ARHGAP28: variants seen among roughly 807,000 people sequenced by gnomAD.
ARHGAP28 encodes the protein rho GTPase-activating protein 28.
Under a neutral mutation model 90.7 loss-of-function variants are expected in ARHGAP28, and 56 were observed. The observed-to-expected ratio is 0.62, with a 90% CI of 0.50 to 0.77. ARHGAP28 has a LOEUF of 0.77. Among genes scored for constraint, ARHGAP28 ranks in the 30% least tolerant of loss-of-function variants. The probability of loss-of-function intolerance (pLI) is 0.00; values close to 1 mark genes in which losing one functional copy is unlikely to be tolerated. For missense variants in ARHGAP28, 869 were observed against 900.9 expected, an observed-to-expected ratio of 0.96 and a Z score of 0.45; for synonymous variants, 308 against 323.3, an observed-to-expected ratio of 0.95 and a Z score of 0.51.
chr18:6,854,366 T>C (rs1175040476), intron 4 of ARHGAP28, among the ~76,000 whole-genome samples: 1 of 152,246 alleles, frequency 6.6e-6, no homozygotes, highest in Non-Finnish European at 1.5e-5. Context: ...TTTGAACTTA[T>C]TGCTGGAATT....
intron 1 of ARHGAP28, among the ~76,000 whole-genome samples, chr18:6,798,841 G>A (rs148941350): frequency 1.2e-3 from 182 of 152,218 alleles, no homozygotes; most frequent in Admixed American, 1.8e-3. Flanking sequence ...AAAAATAAAA[G>A]CATTTCCATA....
At chr18:6,803,108 G>T (rs1054896032) in intron 1 of ARHGAP28, among the ~76,000 whole-genome samples, 20 of 152,018 alleles carry the variant, frequency 1.3e-4, no homozygotes, top group Non-Finnish European at 2.9e-5. Context: ...GCATTGGTTA[G>T]AACTTTTAGT....
chr18:6,789,809 T>A (rs1380938705), intron 1 of ARHGAP28: 4 of 150,746 alleles, frequency 2.7e-5, no homozygotes, highest in Non-Finnish European at 5.9e-5. Flanking sequence ...AATATCAAAT[T>A]GTTTCTTTTG....
At chr18:6,839,841 C>G (rs570438542) in intron 3 of ARHGAP28, among the ~76,000 whole-genome samples, 1 of 152,312 alleles carries the variant, frequency 6.6e-6, no homozygotes, top group South Asian at 2.1e-4. Context: ...CATTCCTGTT[C>G]ATTTGACTTA....
Position 6,824,730 on chromosome 18 carries a change from GT to G in ARHGAP28, c.123-27del. The G allele has an allele frequency of 2.0e-6, 3 of 1,490,520 alleles. No individual in the cohort carries two copies. In the South Asian group the frequency reaches 3.8e-5, roughly 19 times the overall value. 92.3% of individuals were successfully genotyped at this position (1,490,520 alleles called of 1,614,324 possible). On this transcript the variant is annotated intron_variant, in intron 1 of 17. Transcript: ENST00000383472. ...GCTTTATAACATAAAAATATAACCC[GT>G]TTTTATTCATAGATATTATTCTTTC...
At chr18:6,823,751 T>A (rs1468960204) in intron 1 of ARHGAP28, among the ~76,000 whole-genome samples, 1 of 152,138 alleles carries the variant, frequency 6.6e-6, no homozygotes, top group East Asian at 1.9e-4. Context: ...ATTATTTTCC[T>A]TCTTTTATTT....
At chr18:6,739,645 T>TTCTCTCTCTC (rs138884918) in intron 1 of ARHGAP28, among the ~76,000 whole-genome samples, 3,089 of 144,996 alleles carry the variant, frequency 0.021, 111 homozygotes, top group African/African-American at 0.074. Flanking sequence ...TGACTAAGCT[T>TTCTCTCTCTC]TCTCTCTCTC....
intron 1 of ARHGAP28, among the ~76,000 whole-genome samples, chr18:6,808,036 T>C (rs750972070): frequency 2.6e-5 from 4 of 152,236 alleles, no homozygotes; most frequent in Non-Finnish European, 5.9e-5. Context: ...ATATTTTGTG[T>C]ATGTATGTGT....
At chr18:6,799,611 G>C (rs1479272660) in intron 1 of ARHGAP28, among the ~76,000 whole-genome samples, 1 of 152,116 alleles carries the variant, frequency 6.6e-6, no homozygotes, top group African/African-American at 2.4e-5. Context: ...TGACAAACCT[G>C]ACAAAAACAA....
At chr18:6,824,382 T>C (rs751694340) in intron 1 of ARHGAP28, among the ~76,000 whole-genome samples, 6 of 151,656 alleles carry the variant, frequency 4.0e-5, no homozygotes, top group Non-Finnish European at 8.8e-5. Context: ...ACTAAAAATA[T>C]AAAAATTAGC....
intron 1 of ARHGAP28, among the ~76,000 whole-genome samples, chr18:6,809,396 T>C (rs2143676849): frequency 6.6e-6 from 1 of 152,256 alleles, no homozygotes; most frequent in East Asian, 1.9e-4. Flanking sequence ...ATAATGAGGG[T>C]GTATTAGTTC....
intron 2 of ARHGAP28, among the ~76,000 whole-genome samples, chr18:6,827,541 G>A (rs978270703): frequency 6.9e-6 from 1 of 145,118 alleles, no homozygotes; most frequent in Admixed American, 6.7e-5. Context: ...CGGGCGGGGG[G>A]CTGACCCCCC....
intron 1 of ARHGAP28, among the ~76,000 whole-genome samples, chr18:6,819,275 G>T (rs539364158): frequency 2.6e-5 from 4 of 152,074 alleles, no homozygotes; most frequent in Non-Finnish European, 4.4e-5. Flanking sequence ...TACCAGTTAG[G>T]ATGTAGACTA....
At chr18:6,891,819 G>A (rs1446519532) in intron 14 of ARHGAP28, among the ~76,000 whole-genome samples, 2 of 151,930 alleles carry the variant, frequency 1.3e-5, no homozygotes, top group Admixed American at 1.3e-4. Context: ...TCTTGAACTC[G>A]TGGCCTCAAG....
chr18:6,751,340 A>G (rs1341845660), intron 1 of ARHGAP28, among the ~76,000 whole-genome samples: 3 of 152,108 alleles, frequency 2.0e-5, no homozygotes, highest in Non-Finnish European at 4.4e-5. Flanking sequence ...AGAAAAAAAA[A>G]AAATCCCAAG....
At chr18:6,836,816 T>G (rs1161451317) in intron 2 of ARHGAP28, among the ~76,000 whole-genome samples, 1 of 152,226 alleles carries the variant, frequency 6.6e-6, no homozygotes, top group African/African-American at 2.4e-5. Flanking sequence ...CCCTGGCATT[T>G]GAACCTCCAT....
At chr18:6,827,815 C>A (rs1011250395) in intron 2 of ARHGAP28, among the ~76,000 whole-genome samples, 1 of 152,064 alleles carries the variant, frequency 6.6e-6, no homozygotes, top group African/African-American at 2.4e-5. Flanking sequence ...ACGCTCCTCA[C>A]TTCCTAGATG....
intron 1 of ARHGAP28, among the ~76,000 whole-genome samples, chr18:6,757,199 AT>A (rs563877479): frequency 2.6e-5 from 4 of 152,244 alleles, no homozygotes. Context: ...AAACAGCAGT[AT>A]TTTTTGGAAA....
chr18:6,748,310 C>G (rs1004589433), intron 1 of ARHGAP28, among the ~76,000 whole-genome samples: 4 of 152,170 alleles, frequency 2.6e-5, no homozygotes, highest in Admixed American at 1.3e-4. Context: ...GATACCATGA[C>G]TATATTGTAT....
Sources: gnomAD v4.1 joint callset for allele counts (sites outside exome capture counted in the v4.1 genomes callset) on GRCh38, gnomAD v4.1.1 for gene constraint, MANE v1.5 for transcripts, NCBI Gene and HGNC (gene_info 2026-07-23, HGNC 2026-07-21) for gene names.